The following COL4A1 variants were observed in gnomAD, a reference collection of about 807,000 sequenced individuals.
The protein encoded by COL4A1 is collagen type IV alpha 1 chain, also known as collagen alpha-1(IV) chain.
Under a neutral mutation model 216.6 loss-of-function variants are expected in COL4A1, and 40 were observed. That is an observed-to-expected ratio of 0.18 (90% CI 0.14 to 0.24). The LOEUF is 0.24. COL4A1 is among the 10% of genes least tolerant of loss of function. COL4A1 has a pLI of 1.00. For synonymous variants in COL4A1, 839 were observed against 810.7 expected, an observed-to-expected ratio of 1.03 and a Z score of -0.59; for missense variants, 1,628 against 2,196.8, an observed-to-expected ratio of 0.74 and a Z score of 5.18.
At chr13:110,195,145 G>C (rs1364287949) in intron 21 of COL4A1, 27 bp from the exon 22 acceptor site, 2 of 1,594,154 alleles carry the variant, frequency 1.3e-6, no homozygotes, top group African/African-American at 1.3e-5. Context: ...AGAGTTATAG[G>C]ATCATAGCTA....
chr13:110,175,454 A>T, intron 36 of COL4A1, 97 bp from the exon 37 acceptor site: 2 of 1,561,600 alleles, frequency 1.3e-6, no homozygotes, highest in Non-Finnish European at 1.7e-6. Context: ...ATGAGATACA[A>T]GAACGTGAAT....
At chr13:110,189,000 A>C (rs1878517291) in intron 24 of COL4A1, among the ~76,000 whole-genome samples, 1 of 152,164 alleles carries the variant, frequency 6.6e-6, no homozygotes, top group Non-Finnish European at 1.5e-5. Context: ...AATAACACAA[A>C]AAATGCAGTT....
intron 2 of COL4A1, among the ~76,000 whole-genome samples, chr13:110,224,913 T>C (rs1391486688): frequency 6.6e-6 from 1 of 152,020 alleles, no homozygotes; most frequent in African/African-American, 2.4e-5. Context: ...AACTTGAAAA[T>C]TGCAGATGAA....
intron 2 of COL4A1, among the ~76,000 whole-genome samples, chr13:110,219,687 T>TATGTGTATA (rs1880295606): frequency 7.3e-6 from 1 of 137,414 alleles, no homozygotes; most frequent in Non-Finnish European, 1.5e-5. Context: ...TGTGTATATA[T>TATGTGTATA]ATGTATATAT....
chr13:110,219,320 G>A (rs922899321), intron 2 of COL4A1, among the ~76,000 whole-genome samples: 1 of 152,224 alleles, frequency 6.6e-6, no homozygotes, highest in African/African-American at 2.4e-5. Context: ...CTAGAAGTAT[G>A]TGAATGAAAT....
chr13:110,191,657 A>T, intron 24 of COL4A1: 1 of 687,470 alleles, frequency 1.5e-6, no homozygotes, highest in Non-Finnish European at 2.6e-6. Flanking sequence ...CAACTGCACA[A>T]TAGATGTTGT....
At chr13:110,222,539 C>T (rs893622887) in intron 2 of COL4A1, among the ~76,000 whole-genome samples, 2 of 136,494 alleles carry the variant, frequency 1.5e-5, no homozygotes, top group Non-Finnish European at 3.3e-5. Context: ...TTTGGGAGGC[C>T]GAGGCGGGTG....
intron 1 of COL4A1, among the ~76,000 whole-genome samples, chr13:110,298,025 C>T (rs1300575647): frequency 2.0e-5 from 3 of 149,216 alleles, no homozygotes; most frequent in Non-Finnish European, 4.4e-5. Flanking sequence ...ATGATCTAGT[C>T]AAGAGAAAAA....
intron 1 of COL4A1, among the ~76,000 whole-genome samples, chr13:110,280,420 C>G (rs890563691): frequency 6.6e-6 from 1 of 152,216 alleles, no homozygotes; most frequent in Non-Finnish European, 1.5e-5. Flanking sequence ...ACATTCCAAA[C>G]TTCATAATTC....
intron 1 of COL4A1, among the ~76,000 whole-genome samples, chr13:110,254,190 C>T (rs1882412021): frequency 6.6e-6 from 1 of 152,130 alleles, no homozygotes; most frequent in South Asian, 2.1e-4. Context: ...GATGACTTAG[C>T]CAACAGCTGC....
chr13:110,229,683 G>A (rs553916166), intron 2 of COL4A1, among the ~76,000 whole-genome samples: 6 of 152,258 alleles, frequency 3.9e-5, no homozygotes, highest in South Asian at 2.1e-4. Context: ...CCCCGCCCTC[G>A]CGCTGCCTAT....
Position 110,268,603 on chromosome 13 carries a change from G to T in COL4A1, c.85-25869C>A, listed in dbSNP as rs761706965. Among the ~76,000 whole-genome samples the T allele has an allele frequency of 6.6e-6, 1 of 152,258 alleles. No individual in the cohort carries two copies. Among genetic ancestry groups the T allele is most frequent in the Non-Finnish European group, 1.5e-5 (1 of 68,044 alleles). On this transcript the variant is annotated intron_variant, in intron 1 of 51. Transcript: ENST00000375820. The surrounding 1 kb of genome is among the most constrained non-coding windows in gnomAD (Gnocchi z 4.1). ...AAATGCTTTTGAGCTTCAAGCCTCA[G>T]TTAAAATGCTGGCCGTGCCACTGTG... is the stretch of plus-strand genomic sequence containing the variant.
At chr13:110,247,422 C>T (rs535379279) in intron 1 of COL4A1, among the ~76,000 whole-genome samples, 138 of 152,260 alleles carry the variant, frequency 9.1e-4, no homozygotes, top group African/African-American at 3.3e-3. Flanking sequence ...CTCTAAAAGT[C>T]TCTTAAACTT....
At chr13:110,239,330 T>C (rs1259478419) in intron 2 of COL4A1, among the ~76,000 whole-genome samples, 1 of 152,220 alleles carries the variant, frequency 6.6e-6, no homozygotes, top group African/African-American at 2.4e-5. Context: ...ATATTCCAGT[T>C]TCTGTTGAGG....
chr13:110,292,987 T>G (rs1884145594), intron 1 of COL4A1, among the ~76,000 whole-genome samples: 2 of 152,046 alleles, frequency 1.3e-5, no homozygotes, highest in African/African-American at 2.4e-5. Flanking sequence ...TGTGGGAAAA[T>G]AAATTGGCTG....
chr13:110,209,948 A>C, intron 10 of COL4A1, 32 bp downstream of exon 10: 1 of 1,610,648 alleles, frequency 6.2e-7, no homozygotes, highest in South Asian at 1.1e-5. Flanking sequence ...TTTTTAAATG[A>C]TTGCCTCGGA....
At chr13:110,183,498 C>CCAAGATGTTT (rs1480246343) in intron 26 of COL4A1, among the ~76,000 whole-genome samples, 2 of 152,134 alleles carry the variant, frequency 1.3e-5, no homozygotes, top group Non-Finnish European at 2.9e-5. Context: ...TCCAAAATGA[C>CCAAGATGTTT]CAAGATGTTT....
At chr13:110,261,585 G>A (rs979806571) in intron 1 of COL4A1, among the ~76,000 whole-genome samples, 3 of 152,170 alleles carry the variant, frequency 2.0e-5, no homozygotes, top group Admixed American at 6.5e-5. Context: ...ACACAGAAGC[G>A]ATGGACTGCC....
chr13:110,284,485 A>G (rs554225282), intron 1 of COL4A1, among the ~76,000 whole-genome samples: 17 of 152,350 alleles, frequency 1.1e-4, no homozygotes, highest in Admixed American at 2.0e-4. Flanking sequence ...ATTAGCCTTC[A>G]GTCCCTTAAG....
Sources: allele counts gnomAD v4.1 joint callset (sites outside exome capture counted in the v4.1 genomes callset), GRCh38; gene constraint gnomAD v4.1.1; non-coding constraint Gnocchi (gnomAD v3.1); transcripts MANE v1.5; gene names NCBI Gene and HGNC (gene_info 2026-07-23, HGNC 2026-07-21).